GRID1: variants seen among roughly 807,000 people sequenced by gnomAD.
GRID1 encodes the protein glutamate ionotropic receptor delta type subunit 1, also known as glutamate receptor ionotropic, delta-1.
A neutral mutation model predicts 98.0 loss-of-function variants in GRID1; 28 were observed. That is an observed-to-expected ratio of 0.29 (90% CI 0.21 to 0.39). The LOEUF is 0.39. GRID1 is among the 10% of genes least tolerant of loss of function. The pLI, the probability that GRID1 is intolerant of heterozygous loss-of-function variation, is 1.00. For missense variants in GRID1, 1,111 were observed against 1,340.5 expected, an observed-to-expected ratio of 0.83 and a Z score of 2.67; for synonymous variants, 553 against 538.5, an observed-to-expected ratio of 1.03 and a Z score of -0.37.
chr10:86,081,537 C>T (rs535945443), intron 4 of GRID1, among the ~76,000 whole-genome samples: 10 of 152,166 alleles, frequency 6.6e-5, no homozygotes, highest in Non-Finnish European at 1.0e-4. Flanking sequence ...TCATCATTCC[C>T]GTTTTCTCAG....
At chr10:85,912,059 A>G (rs559009961) in intron 5 of GRID1, among the ~76,000 whole-genome samples, 81 of 152,306 alleles carry the variant, frequency 5.3e-4, no homozygotes, top group Admixed American at 2.6e-3. Flanking sequence ...GCTCTACACT[A>G]TGTACATTGA....
chr10:85,995,558 T>G (rs1337231607), intron 4 of GRID1, among the ~76,000 whole-genome samples: 1 of 152,202 alleles, frequency 6.6e-6, no homozygotes, highest in Non-Finnish European at 1.5e-5. Context: ...AACATAGTCA[T>G]AAAACCTGGA....
intron 12 of GRID1, among the ~76,000 whole-genome samples, chr10:85,696,643 G>A (rs577578526): frequency 3.3e-5 from 5 of 151,838 alleles, no homozygotes; most frequent in Admixed American, 1.3e-4. Context: ...GCTAATTTTC[G>A]ATGTTATTAT....
chr10:85,633,387 C>A (rs1182080410), intron 13 of GRID1, among the ~76,000 whole-genome samples: 1 of 152,194 alleles, frequency 6.6e-6, no homozygotes, highest in Non-Finnish European at 1.5e-5. Context: ...TCACATTCTC[C>A]ATTCACTATG....
chr10:85,867,137 T>C (rs1300285941), intron 6 of GRID1, among the ~76,000 whole-genome samples: 1 of 152,164 alleles, frequency 6.6e-6, no homozygotes, highest in Admixed American at 6.5e-5. Context: ...ATGTGTCTGA[T>C]ATGCAACCAA....
Position 86,023,662 on chromosome 10 carries a change from C to T in GRID1, c.727-107423G>A, listed in dbSNP as rs1165650030. Among the ~76,000 whole-genome samples, 3 of 152,154 alleles carry T rather than the reference C, an allele frequency of 2.0e-5. No homozygotes were observed. The East Asian group carries it at 5.8e-4, about 29-fold the overall frequency. On this transcript the variant is annotated intron_variant, in intron 4 of 15. Transcript: ENST00000327946. The stretch of plus-strand genomic sequence containing the variant: ...ATGCCCAAGGCCAGACTCACCACCT[C>T]CCCCTGACCAAACACATTCTTCTTC...
chr10:85,812,723 A>G (rs937311860), intron 8 of GRID1, among the ~76,000 whole-genome samples: 14 of 145,148 alleles, frequency 9.6e-5, no homozygotes, highest in South Asian at 2.3e-4. Context: ...AAACAAGCAA[A>G]CAGAAGTTCT....
At chr10:85,667,326 G>GAGAA (rs1433865848) in intron 12 of GRID1, among the ~76,000 whole-genome samples, 1 of 151,936 alleles carries the variant, frequency 6.6e-6, no homozygotes, top group African/African-American at 2.4e-5. Context: ...CAGAGAGAGA[G>GAGAA]AGAGAGAGAG....
chr10:86,213,561 C>T (rs936685386), intron 2 of GRID1, among the ~76,000 whole-genome samples: 1 of 152,132 alleles, frequency 6.6e-6, no homozygotes, highest in Admixed American at 6.5e-5. Context: ...TGCTCCTGAG[C>T]TCCGAAGCCT....
chr10:85,973,844 T>C (rs188055350), intron 4 of GRID1, among the ~76,000 whole-genome samples: 246 of 152,334 alleles, frequency 1.6e-3, no homozygotes, highest in Admixed American at 3.6e-3. Context: ...CCAAAGAGCA[T>C]GGGTTCTGAA....
intron 5 of GRID1, among the ~76,000 whole-genome samples, chr10:85,884,372 C>T (rs1394415091): frequency 6.6e-6 from 1 of 152,116 alleles, no homozygotes; most frequent in African/African-American, 2.4e-5. Flanking sequence ...TTGTGACTGA[C>T]TAAACCTCAG....
At chr10:86,063,143 C>A (rs1284730743) in intron 4 of GRID1, among the ~76,000 whole-genome samples, 1 of 152,226 alleles carries the variant, frequency 6.6e-6, no homozygotes, top group Non-Finnish European at 1.5e-5. Context: ...TCCCTCTTGT[C>A]AGAGGCAGGA....
intron 2 of GRID1, among the ~76,000 whole-genome samples, chr10:86,349,173 G>A (rs982112803): frequency 6.6e-6 from 1 of 152,202 alleles, no homozygotes; most frequent in Non-Finnish European, 1.5e-5. Flanking sequence ...TTCCCGGCCA[G>A]GGACCCTTTC....
At chr10:85,892,905 G>C (rs1186068827) in intron 5 of GRID1, among the ~76,000 whole-genome samples, 1 of 152,128 alleles carries the variant, frequency 6.6e-6, no homozygotes, top group South Asian at 2.1e-4. Flanking sequence ...GGGTTTACAG[G>C]ATAAGAAACT....
At chr10:86,196,013 C>T (rs1358786064) in intron 3 of GRID1, among the ~76,000 whole-genome samples, 1 of 152,088 alleles carries the variant, frequency 6.6e-6, no homozygotes, top group African/African-American at 2.4e-5. Context: ...CAGCACATGC[C>T]TCACATCAGA....
chr10:86,307,852 C>T (rs551257438), intron 2 of GRID1, among the ~76,000 whole-genome samples: 1 of 152,256 alleles, frequency 6.6e-6, no homozygotes, highest in East Asian at 1.9e-4. Flanking sequence ...CAAGTAAAAA[C>T]AAAATGTCCT....
chr10:86,071,778 G>A (rs947417050), intron 4 of GRID1, among the ~76,000 whole-genome samples: 1 of 152,146 alleles, frequency 6.6e-6, no homozygotes, highest in Non-Finnish European at 1.5e-5. Context: ...GATCCATATT[G>A]TGGTGCATAT....
intron 8 of GRID1, among the ~76,000 whole-genome samples, chr10:85,790,959 C>T (rs1050592907): frequency 4.6e-5 from 7 of 152,182 alleles, no homozygotes; most frequent in Non-Finnish European, 8.8e-5. Context: ...TTCCTGAGGG[C>T]CTGGGGGCAA....
chr10:85,807,280 G>A (rs183099021), intron 8 of GRID1, among the ~76,000 whole-genome samples: 204 of 152,096 alleles, frequency 1.3e-3, no homozygotes, highest in African/African-American at 4.5e-3. Context: ...AACCCAGGAG[G>A]CAGAGGTTGC....
Sources: gnomAD v4.1 joint callset for allele counts (sites outside exome capture counted in the v4.1 genomes callset) on GRCh38, gnomAD v4.1.1 for gene constraint, MANE v1.5 for transcripts, NCBI Gene and HGNC (gene_info 2026-07-23, HGNC 2026-07-21) for gene names.